Variants in SLC39A12 observed in about 807,000 individuals in gnomAD.
SLC39A12 encodes solute carrier family 39 member 12.
In SLC39A12, 63 loss-of-function variants were observed where a neutral mutation model predicts 71.1. The ratio of observed to expected loss-of-function variants is 0.89; its 90% CI spans 0.72 to 1.09. The LOEUF (loss-of-function observed/expected upper bound fraction) is 1.09, where lower values mean the gene tolerates loss of function less well. SLC39A12 is among the 50% of genes least tolerant of loss of function. SLC39A12 has a pLI of 0.00. For missense variants in SLC39A12, 892 were observed against 812.6 expected, an observed-to-expected ratio of 1.10 and a Z score of -1.19; for synonymous variants, 351 against 301.3, an observed-to-expected ratio of 1.16 and a Z score of -1.71.
chr10:18,018,345 T>C (rs9988724), intron 12 of SLC39A12, among the ~76,000 whole-genome samples: 6,975 of 152,248 alleles, frequency 0.046, 566 homozygotes, highest in African/African-American at 0.16. Flanking sequence ...GTCTTATTTC[T>C]TTGTTTTTAA....
intron 5 of SLC39A12, among the ~76,000 whole-genome samples, chr10:17,979,688 C>T (rs1353077550): frequency 1.3e-5 from 2 of 152,192 alleles, no homozygotes; most frequent in African/African-American, 4.8e-5. Flanking sequence ...TTCTGGAGTT[C>T]TTGCCCAATC....
At chr10:17,963,405 C>T (rs1449070493) in intron 3 of SLC39A12, among the ~76,000 whole-genome samples, 1 of 152,146 alleles carries the variant, frequency 6.6e-6, no homozygotes, top group Non-Finnish European at 1.5e-5. Flanking sequence ...CTGGTTATCC[C>T]ACACATACTG....
intron 12 of SLC39A12, among the ~76,000 whole-genome samples, chr10:18,041,737 GTATATACA>G (rs1564668398): frequency 1.9e-3 from 208 of 108,522 alleles, no homozygotes; most frequent in African/African-American, 7.4e-3. Flanking sequence ...GTGTATATAT[GTATATACA>G]TGTATATATG....
At chr10:18,008,696 G>C (rs1177434728) in intron 12 of SLC39A12, 1 of 152,116 alleles carries the variant, frequency 6.6e-6, no homozygotes, top group African/African-American at 2.4e-5. Context: ...AAGTTTACAG[G>C]AACAGGGAGC....
At chr10:18,034,225 T>C (rs1339546999) in intron 12 of SLC39A12, among the ~76,000 whole-genome samples, 1 of 150,652 alleles carries the variant, frequency 6.6e-6, no homozygotes, top group African/African-American at 2.4e-5. Flanking sequence ...TCTGTCTCGT[T>C]GATCTGTCTA....
chr10:17,963,511 G>T (rs1302699531), intron 3 of SLC39A12, among the ~76,000 whole-genome samples: 1 of 152,094 alleles, frequency 6.6e-6, no homozygotes, highest in Non-Finnish European at 1.5e-5. Context: ...AGCTAGTTTC[G>T]GTCATTAAGA....
At chr10:18,015,302 A>G (rs578259868) in intron 12 of SLC39A12, among the ~76,000 whole-genome samples, 72 of 152,232 alleles carry the variant, frequency 4.7e-4, no homozygotes, top group Non-Finnish European at 7.9e-4. Context: ...CATGTTAACA[A>G]TAATCATCAA....
chr10:18,041,108 T>C (rs939561467), intron 12 of SLC39A12, among the ~76,000 whole-genome samples: 1 of 152,138 alleles, frequency 6.6e-6, no homozygotes, highest in African/African-American at 2.4e-5. Flanking sequence ...GAAATGACTG[T>C]GTAATGAAAG....
chr10:17,953,602 G>A, intron 2 of SLC39A12, 65 bp downstream of exon 2: 1 of 1,543,794 alleles, frequency 6.5e-7, no homozygotes. Context: ...GATTCTATAG[G>A]GATTTATTTC....
intron 3 of SLC39A12, 99 bp downstream of exon 3, chr10:17,961,961 T>TAAG: frequency 8.2e-7 from 1 of 1,212,330 alleles, no homozygotes; most frequent in Non-Finnish European, 1.1e-6. Flanking sequence ...CAAGGACTTC[T>TAAG]AAGGGAGGTA....
chr10:17,957,978 T>C (rs1360635749), intron 2 of SLC39A12, among the ~76,000 whole-genome samples: 5 of 152,158 alleles, frequency 3.3e-5, no homozygotes, highest in Non-Finnish European at 7.4e-5. Flanking sequence ...GTTACCAAAA[T>C]CTCTGTTCCG....
At chr10:17,982,633 T>G (rs1436297124) in intron 6 of SLC39A12, among the ~76,000 whole-genome samples, 1 of 152,292 alleles carries the variant, frequency 6.6e-6, no homozygotes, top group African/African-American at 2.4e-5. Context: ...TCATTAATAG[T>G]GAGCAGCCAA....
At chr10:18,010,973 T>C (rs1217434809) in intron 12 of SLC39A12, among the ~76,000 whole-genome samples, 2 of 152,218 alleles carry the variant, frequency 1.3e-5, no homozygotes, top group Non-Finnish European at 1.5e-5. Flanking sequence ...GTATTTCTCC[T>C]CTTTATGATT....
intron 12 of SLC39A12, among the ~76,000 whole-genome samples, chr10:18,027,067 T>A (rs954326717): frequency 6.6e-6 from 1 of 152,184 alleles, no homozygotes; most frequent in East Asian, 1.9e-4. Context: ...TTTTAATATG[T>A]CTTGTAATTT....
At chr10:17,957,967 G>T (rs1564637530) in intron 2 of SLC39A12, among the ~76,000 whole-genome samples, 1 of 152,172 alleles carries the variant, frequency 6.6e-6, no homozygotes, top group African/African-American at 2.4e-5. Flanking sequence ...GTTCATTCAA[G>T]GTTACCAAAA....
chr10:17,991,089 TAA>T lies in SLC39A12; in HGVS notation c.1270-61_1270-60del. 2.7e-6 allele frequency: 4 copies of T among 1,464,646 alleles called. No individual in the cohort carries two copies. The South Asian group carries it at 5.5e-5, about 20-fold the overall frequency. 90.7% of individuals were successfully genotyped at this position (1,464,646 alleles called of 1,614,324 possible). ...AACACTGGGCCTACTATTTAATAGT[TAA>T]GTCATCAAGACTTATCTCCATCTTT... On this transcript the variant is annotated intron_variant, in intron 7 of 12. Coordinates refer to ENST00000377369, the MANE Select transcript of SLC39A12 (RefSeq NM_001145195.2).
chr10:17,994,460 G>C (rs1321566987), intron 9 of SLC39A12, among the ~76,000 whole-genome samples: 2 of 152,014 alleles, frequency 1.3e-5, no homozygotes, highest in African/African-American at 4.8e-5. Flanking sequence ...AAGAAGTCCT[G>C]AATGTTTGGC....
intron 3 of SLC39A12, 29 bp from the exon 4 acceptor site, chr10:17,965,447 GTTACAAT>G: frequency 6.3e-7 from 1 of 1,583,736 alleles, no homozygotes; most frequent in Non-Finnish European, 8.7e-7. Context: ...AACTTCAGAT[GTTACAAT>G]TTTCTCTTTA....
chr10:17,993,359 A>T, intron 9 of SLC39A12, 68 bp downstream of exon 9: 1 of 1,090,918 alleles, frequency 9.2e-7, no homozygotes, highest in East Asian at 2.6e-5. Context: ...CAATGAACAA[A>T]TGAAAATCAG....
Sources: gnomAD v4.1 joint callset for allele counts (sites outside exome capture counted in the v4.1 genomes callset) on GRCh38, gnomAD v4.1.1 for gene constraint, MANE v1.5 for transcripts, NCBI Gene and HGNC (gene_info 2026-07-23, HGNC 2026-07-21) for gene names.